The following CEP57 variants were observed in gnomAD, a reference collection of about 807,000 sequenced individuals.
CEP57 encodes centrosomal protein 57, also known as centrosomal protein of 57 kDa.
A neutral mutation model predicts 68.0 loss-of-function variants in CEP57; 40 were observed. The observed-to-expected ratio is 0.59, with a 90% CI of 0.46 to 0.77. The LOEUF (loss-of-function observed/expected upper bound fraction) is 0.77. Ranked by LOEUF, CEP57 falls within the 30% of genes least tolerant of loss-of-function variation. The pLI is 0.00. For missense variants in CEP57, 606 were observed against 580.7 expected, an observed-to-expected ratio of 1.04 and a Z score of -0.45; for synonymous variants, 219 against 198.7, an observed-to-expected ratio of 1.10 and a Z score of -0.86.
chr11:95,826,782 C>T (rs532008652), intron 8 of CEP57: 1 of 152,108 alleles, frequency 6.6e-6, no homozygotes, highest in Non-Finnish European at 1.5e-5. Context: ...ATATATATTA[C>T]AAGTTACGAG....
intron 2 of CEP57, among the ~76,000 whole-genome samples, chr11:95,799,763 C>G (rs1861495281): frequency 6.6e-6 from 1 of 152,114 alleles, no homozygotes; most frequent in African/African-American, 2.4e-5. Context: ...ATAGTACATT[C>G]CTCATTAATC....
chr11:95,795,674 T>G (rs1427749288), intron 1 of CEP57: 2 of 440,300 alleles, frequency 4.5e-6, no homozygotes, highest in Non-Finnish European at 4.1e-6. Context: ...GAAGTAAGTT[T>G]TTTAAAAAAT....
intron 1 of CEP57, among the ~76,000 whole-genome samples, chr11:95,798,737 A>T (rs533118935): frequency 5.3e-5 from 8 of 152,256 alleles, no homozygotes; most frequent in African/African-American, 1.4e-4. Flanking sequence ...ATGTTTTCTA[A>T]TTATTTTCTT....
intron 2 of CEP57, among the ~76,000 whole-genome samples, chr11:95,803,415 A>C (rs1861661312): frequency 6.6e-6 from 1 of 152,182 alleles, no homozygotes; most frequent in Non-Finnish European, 1.5e-5. Context: ...GTTTCTCCAG[A>C]AAAAGAAAGT....
chr11:95,811,148 C>A (rs900533870), intron 2 of CEP57, among the ~76,000 whole-genome samples: 1 of 152,078 alleles, frequency 6.6e-6, no homozygotes, highest in South Asian at 2.1e-4. Context: ...ATGTTTATTG[C>A]GGCACGGTTC....
intron 4 of CEP57, 84 bp from the exon 5 acceptor site, chr11:95,817,703 A>G (rs1415674816): frequency 3.3e-6 from 3 of 915,610 alleles, no homozygotes; most frequent in Non-Finnish European, 5.5e-6. Flanking sequence ...GAAGGGCCAA[A>G]TAACAGCATA....
intron 8 of CEP57, among the ~76,000 whole-genome samples, chr11:95,824,573 G>A (rs1862659019): frequency 6.6e-6 from 1 of 152,160 alleles, no homozygotes; most frequent in African/African-American, 2.4e-5. Flanking sequence ...TGACCAAGAG[G>A]CAGCAGATGA....
At chr11:95,794,835 T>C (rs895903406) in intron 1 of CEP57, among the ~76,000 whole-genome samples, 24 of 152,226 alleles carry the variant, frequency 1.6e-4, no homozygotes, top group African/African-American at 5.8e-4. Context: ...GTCCTTAATT[T>C]ACTTGAAATT....
chr11:95,827,822 C>T lies in CEP57; in HGVS notation c.922C>T (p.Gln308Ter). ...SPSHAVVANV[Q>*]LVLHLMKQHS... ...TAGCCATGCCGTGGTAGCCAATGTT[C>T]AGCTTGTCTTGCATCTAATGAAGCA... Residue 308 changes from glutamine to a stop codon, truncating the protein, a stop_gained, in exon 9 of 11, where the codon CAG becomes TAG. Coordinates refer to ENST00000325542, the MANE Select transcript of CEP57 (RefSeq NM_014679.5). LOFTEE classifies it high-confidence loss of function. The T allele has an allele frequency of 6.2e-7, 1 of 1,614,086 alleles. No homozygotes were observed. The highest frequency in any genetic ancestry group is 1.1e-5 in the South Asian group (1 of 91,068).
At chr11:95,828,135 T>G (rs1403867985) in intron 9 of CEP57, 108 bp downstream of exon 9, 8 of 1,335,218 alleles carry the variant, frequency 6.0e-6, no homozygotes, top group African/African-American at 1.5e-5. Context: ...CAAGTATGGT[T>G]GAGCACAATC....
chr11:95,799,140 G>A, intron 1 of CEP57, 92 bp from the exon 2 acceptor site: 2 of 1,262,114 alleles, frequency 1.6e-6, no homozygotes, highest in Non-Finnish European at 2.3e-6. Context: ...TTGTCTGTAT[G>A]GACAGTCAAT....
In CEP57 at chr11:95,831,282, T is replaced by C. The variant is rs779661526; in HGVS notation, c.*26T>C. On this transcript the variant is annotated 3_prime_UTR_variant, in exon 11 of 11. Coordinates refer to ENST00000325542, the MANE Select transcript of CEP57 (RefSeq NM_014679.5). ...CTCATAACCAGGTCAGAAATTTTAT[T>C]CAGATAATCTGTACCTCATCAATCA... 1.4e-6 allele frequency: 2 copies of C among 1,478,186 alleles called. No individual in the cohort carries two copies. The highest frequency in any genetic ancestry group is 2.3e-5 in the East Asian group (1 of 43,710). 91.6% of individuals were successfully genotyped at this position (1,478,186 alleles called of 1,614,324 possible). A position where few individuals can be genotyped will look rare whatever the true frequency, so the allele number is the denominator to read the frequency against.
intron 2 of CEP57, among the ~76,000 whole-genome samples, chr11:95,802,984 A>G (rs931983652): frequency 6.6e-6 from 1 of 152,220 alleles, no homozygotes; most frequent in African/African-American, 2.4e-5. Context: ...CCTTGAGGCC[A>G]AAGACAGTCT....
intron 1 of CEP57, among the ~76,000 whole-genome samples, chr11:95,792,785 A>G (rs1861151523): frequency 6.6e-6 from 1 of 152,182 alleles, no homozygotes; most frequent in African/African-American, 2.4e-5. Flanking sequence ...AACAAAAATG[A>G]CTAAATTTAG....
intron 4 of CEP57, among the ~76,000 whole-genome samples, chr11:95,814,696 T>A (rs1862227434): frequency 6.6e-6 from 1 of 152,222 alleles, no homozygotes; most frequent in Non-Finnish European, 1.5e-5. Context: ...TACTCCTTTT[T>A]CTGTTATGAA....
At chr11:95,820,744 A>G (rs1862488414) in intron 6 of CEP57, among the ~76,000 whole-genome samples, 1 of 152,182 alleles carries the variant, frequency 6.6e-6, no homozygotes, top group Non-Finnish European at 1.5e-5. Flanking sequence ...AATACTCAAA[A>G]AAAAGTTCTT....
chr11:95,821,023 A>G (rs1056912785), intron 6 of CEP57, among the ~76,000 whole-genome samples: 3 of 152,210 alleles, frequency 2.0e-5, no homozygotes, highest in African/African-American at 7.2e-5. Flanking sequence ...TTCTAGCTCC[A>G]TTATAATTTC....
intron 1 of CEP57, among the ~76,000 whole-genome samples, chr11:95,795,285 T>C (rs996127369): frequency 6.6e-6 from 1 of 152,184 alleles, no homozygotes; most frequent in Admixed American, 6.5e-5. Context: ...TTTCATGTCT[T>C]GTATATTGTT....
intron 2 of CEP57, among the ~76,000 whole-genome samples, chr11:95,806,077 T>C (rs1311689038): frequency 6.6e-6 from 1 of 152,218 alleles, no homozygotes; most frequent in Non-Finnish European, 1.5e-5. Flanking sequence ...CACTGATGAC[T>C]TCTGACCCAA....
Sources: gnomAD v4.1 joint callset for allele counts (sites outside exome capture counted in the v4.1 genomes callset) on GRCh38, gnomAD v4.1.1 for gene constraint, MANE v1.5 for transcripts, NCBI Gene and HGNC (gene_info 2026-07-23, HGNC 2026-07-21) for gene names.